TMEM117: variants seen among roughly 807,000 people sequenced by gnomAD.
TMEM117 encodes the protein transmembrane protein 117.
A neutral mutation model predicts 52.4 loss-of-function variants in TMEM117; 27 were observed. That is an observed-to-expected ratio of 0.51 (90% CI 0.38 to 0.71). The LOEUF (loss-of-function observed/expected upper bound fraction) is 0.71. Among genes scored for constraint, TMEM117 ranks in the 30% least tolerant of loss-of-function variants. The pLI is 0.00. For synonymous variants in TMEM117, 215 were observed against 206.3 expected, an observed-to-expected ratio of 1.04 and a Z score of -0.36; for missense variants, 556 against 630.5, an observed-to-expected ratio of 0.88 and a Z score of 1.26.
intron 3 of TMEM117, chr12:44,010,234 A>G (rs1249346330): frequency 2.1e-6 from 1 of 475,338 alleles, no homozygotes; most frequent in South Asian, 1.5e-5. Flanking sequence ...GTTTGGTACA[A>G]TATCAATGAG....
chr12:44,125,315 G>T (rs896108726), intron 3 of TMEM117, among the ~76,000 whole-genome samples: 1 of 152,152 alleles, frequency 6.6e-6, no homozygotes, highest in African/African-American at 2.4e-5. Flanking sequence ...CACCGTGTTA[G>T]CCAGGATGGT....
Position 43,865,066 on chromosome 12 carries a change from C to T in TMEM117, c.277+20138C>T, listed in dbSNP as rs554773021. On this transcript the variant is annotated intron_variant, in intron 2 of 7. Coordinates refer to ENST00000266534, the MANE Select transcript of TMEM117 (RefSeq NM_032256.3). ...CGAACCCACCAGAAGGAAAAAGCTC[C>T]GAACACATCCGAACATCAGAAGGAA... Among the ~76,000 whole-genome samples, 9 of 152,204 alleles carry T rather than the reference C, an allele frequency of 5.9e-5. No individual in the cohort carries two copies. In the East Asian group the frequency reaches 1.4e-3, roughly 23 times the overall value.
At chr12:43,983,661 A>C (rs1211956886) in intron 3 of TMEM117, among the ~76,000 whole-genome samples, 4 of 151,010 alleles carry the variant, frequency 2.6e-5, no homozygotes, top group African/African-American at 9.7e-5. Flanking sequence ...ATAAGTAACA[A>C]AGAGTAGTGT....
At chr12:43,826,231 C>T in the TMEM117 span, among the ~76,000 whole-genome samples, 1 of 152,180 alleles carries the variant, frequency 6.6e-6, no homozygotes, top group East Asian at 1.9e-4. Context: ...AAGGGTAATC[C>T]AATTCTTCTG....
At chr12:44,057,188 T>G (rs544790197) in intron 3 of TMEM117, among the ~76,000 whole-genome samples, 4 of 152,308 alleles carry the variant, frequency 2.6e-5, no homozygotes, top group African/African-American at 9.6e-5. Flanking sequence ...AAGGAAGCAG[T>G]GTATCTAAAT....
the TMEM117 span, chr12:43,798,462 G>C: frequency 9.4e-6 from 11 of 1,164,418 alleles, no homozygotes; most frequent in Non-Finnish European, 1.3e-5. Flanking sequence ...TGTTGCAACA[G>C]AAAGTCCAAT....
chr12:44,070,895 G>A (rs893288427), intron 3 of TMEM117, among the ~76,000 whole-genome samples: 4 of 152,076 alleles, frequency 2.6e-5, no homozygotes, highest in Non-Finnish European at 5.9e-5. Flanking sequence ...CTGAGCTTCC[G>A]CAGGCAATGA....
intron 5 of TMEM117, among the ~76,000 whole-genome samples, chr12:44,289,070 G>A (rs1950670282): frequency 6.6e-6 from 1 of 152,076 alleles, no homozygotes; most frequent in African/African-American, 2.4e-5. Context: ...GCTTCTATGA[G>A]TTCTACTTTT....
At chr12:44,053,605 A>G (rs1428443108) in intron 3 of TMEM117, among the ~76,000 whole-genome samples, 3 of 152,036 alleles carry the variant, frequency 2.0e-5, no homozygotes, top group Non-Finnish European at 4.4e-5. Flanking sequence ...TAATTACATA[A>G]TTTGTTTTTC....
intron 4 of TMEM117, among the ~76,000 whole-genome samples, chr12:44,154,762 A>G (rs551757020): frequency 6.7e-6 from 1 of 150,136 alleles, no homozygotes; most frequent in Non-Finnish European, 1.5e-5. Flanking sequence ...TATGCTATAT[A>G]TCTAAAAAAA....
the TMEM117 span, chr12:43,799,553 C>T: frequency 4.6e-6 from 5 of 1,084,504 alleles, no homozygotes; most frequent in Non-Finnish European, 6.6e-6. Context: ...AGTAAAATGA[C>T]AGTGAAGTTA....
chr12:44,396,164 C>A, the TMEM117 span, among the ~76,000 whole-genome samples: 1 of 152,116 alleles, frequency 6.6e-6, no homozygotes, highest in Non-Finnish European at 1.5e-5. Context: ...ACCCTGCAGC[C>A]ATGTTGAACT....
chr12:44,099,470 A>G (rs1282658233), intron 3 of TMEM117, among the ~76,000 whole-genome samples: 3 of 152,070 alleles, frequency 2.0e-5, no homozygotes, highest in Non-Finnish European at 2.9e-5. Flanking sequence ...TGGAAGTTTA[A>G]TTATTTACAT....
At chr12:43,835,229 G>A (rs1353675305), upstream of TMEM117, among the ~76,000 whole-genome samples, 2 of 152,180 alleles carry the variant, frequency 1.3e-5, no homozygotes, top group East Asian at 3.8e-4. Flanking sequence ...CATTCAGGAA[G>A]AGAGGAATTG....
chr12:43,882,929 A>G (rs569363823), intron 2 of TMEM117, among the ~76,000 whole-genome samples: 2 of 152,322 alleles, frequency 1.3e-5, no homozygotes, highest in East Asian at 3.9e-4. Flanking sequence ...AGCTCATCTC[A>G]GTTCTGGGAC....
chr12:43,972,584 T>G (rs1381456296), intron 3 of TMEM117, among the ~76,000 whole-genome samples: 1 of 152,190 alleles, frequency 6.6e-6, no homozygotes, highest in African/African-American at 2.4e-5. Context: ...GAGTGCTGAT[T>G]GGTCCATTTT....
intron 4 of TMEM117, among the ~76,000 whole-genome samples, chr12:44,201,898 A>G (rs932336655): frequency 6.6e-6 from 1 of 152,152 alleles, no homozygotes; most frequent in Non-Finnish European, 1.5e-5. Flanking sequence ...ATAGTGTAAG[A>G]AAGTAAAATA....
At chr12:44,099,986 TA>T (rs943528349) in intron 3 of TMEM117, among the ~76,000 whole-genome samples, 1 of 151,506 alleles carries the variant, frequency 6.6e-6, no homozygotes, top group South Asian at 2.1e-4. Context: ...AATATCAGAC[TA>T]AAAAAAAGCC....
At chr12:43,854,277 T>A (rs1324405611) in intron 2 of TMEM117, among the ~76,000 whole-genome samples, 1 of 152,072 alleles carries the variant, frequency 6.6e-6, no homozygotes, top group Non-Finnish European at 1.5e-5. Context: ...TTCTGGCTTA[T>A]GTTTGTTCAG....
Sources: gnomAD v4.1 joint callset for allele counts (sites outside exome capture counted in the v4.1 genomes callset) on GRCh38, gnomAD v4.1.1 for gene constraint, MANE v1.5 for transcripts, NCBI Gene and HGNC (gene_info 2026-07-23, HGNC 2026-07-21) for gene names.